The following NET1 variants were observed in gnomAD, a reference collection of about 807,000 sequenced individuals.
NET1 encodes neuroepithelial cell transforming 1, also known as neuroepithelial cell-transforming gene 1 protein.
NET1 carries 42 observed loss-of-function variants against 61.1 expected under a neutral mutation model. The observed-to-expected ratio is 0.69, with a 90% CI of 0.54 to 0.89. NET1 has a LOEUF of 0.89. Among genes scored for constraint, NET1 ranks in the 40% least tolerant of loss-of-function variants. NET1 has a pLI of 0.00. For missense variants in NET1, 654 were observed against 747.3 expected (o/e 0.88, Z 1.46); for synonymous variants, 254 against 281.8 (o/e 0.90, Z 0.99).
intron 1 of NET1, among the ~76,000 whole-genome samples, chr10:5,419,225 G>A (rs1172644133): frequency 2.6e-5 from 4 of 151,994 alleles, no homozygotes; most frequent in Admixed American, 6.5e-5. Flanking sequence ...TGCATGATAC[G>A]TGTTTATCCC....
At position 5,456,603 on chromosome 10, in the gene NET1, G is replaced by C; in HGVS notation, c.1400G>C (p.Arg467Thr). The change falls in exon 12 of 12, where the codon AGA (arginine) becomes ACA (threonine). Residue 467 changes from arginine (R) to threonine (T), a missense_variant. Transcript: ENST00000355029. The surrounding 1 kb of genome is among the most constrained non-coding windows in gnomAD (Gnocchi z 7.0). ...TTTTTTTCAGCTAAAAATATCTTTA[G>C]AATTCGCTTCCATGACCCCTCTCCA... is the stretch of plus-strand genomic sequence containing the variant. The part of the protein sequence containing the change: ...SNSEKAKNIF[R>T]IRFHDPSPAQ... 2 of 1,507,244 alleles carry C rather than the reference G, an allele frequency of 1.3e-6. No homozygotes were observed. Among genetic ancestry groups the C allele is most frequent in the Non-Finnish European group, 1.8e-6 (2 of 1,129,136 alleles). 93.4% of individuals were successfully genotyped at this position (1,507,244 alleles called of 1,614,324 possible).
Position 5,447,956 on chromosome 10 carries a change from C to G in NET1, c.256-3874C>G, listed in dbSNP as rs961121618. On this transcript the variant is annotated intron_variant, in intron 3 of 11. Transcript: ENST00000355029. This position sits in a 1 kb window ranked among gnomAD's most constrained non-coding sequence, Gnocchi z 4.1. ...CTGTGTTTCTGCCTTACCTTTATTT[C>G]TAAGTTACAAGCACTAGGAATGTTG... is the stretch of plus-strand genomic sequence containing the variant. Among the ~76,000 whole-genome samples, 3 of 152,186 alleles carry G rather than the reference C, an allele frequency of 2.0e-5. No individual in the cohort carries two copies. Among genetic ancestry groups the G allele is most frequent in the Non-Finnish European group, 4.4e-5 (3 of 68,036 alleles).
Position 5,437,261 on chromosome 10 carries a change from G to A in NET1, c.255+8032G>A, listed in dbSNP as rs964581454. On this transcript the variant is annotated intron_variant, in intron 3 of 11. Coordinates refer to ENST00000355029, the MANE Select transcript of NET1 (RefSeq NM_001047160.3). This position sits in a 1 kb window ranked among gnomAD's most constrained non-coding sequence, Gnocchi z 4.3. ...TCTATTTTCATACAGTATGTGTAATGACTACAGATATATGATTATCCTGTA... is the reference window on the plus strand; with the variant it reads ...TCTATTTTCATACAGTATGTGTAATAACTACAGATATATGATTATCCTGTA... 2.0e-5 allele frequency among the ~76,000 whole-genome samples: 3 copies of A among 152,028 alleles called. No homozygotes were observed. Among genetic ancestry groups the A allele is most frequent in the Non-Finnish European group, 2.9e-5 (2 of 68,006 alleles).
Position 5,416,917 on chromosome 10 carries a change from C to T in NET1, c.128+4097C>T, listed in dbSNP as rs567194652. On this transcript the variant is annotated intron_variant, in intron 1 of 11. Transcript: ENST00000355029. This position sits in a 1 kb window ranked among gnomAD's most constrained non-coding sequence, Gnocchi z 6.1. Reference sequence around the variant, plus strand: ...GCTTGTATTCATCAGCTCAGTTAGACCCCTGCCTTATTTCAAGGACAGGGG... The same window carrying T: ...GCTTGTATTCATCAGCTCAGTTAGATCCCTGCCTTATTTCAAGGACAGGGG... 6.6e-6 allele frequency among the ~76,000 whole-genome samples: 1 copy of T among 152,270 alleles called. No individual in the cohort carries two copies. The highest frequency in any genetic ancestry group is 2.1e-4 in the South Asian group (1 of 4,818).
intron 1 of NET1, among the ~76,000 whole-genome samples, chr10:5,425,447 A>G (rs1832244834): frequency 6.6e-6 from 1 of 152,246 alleles, no homozygotes; most frequent in Non-Finnish European, 1.5e-5. Flanking sequence ...CAATGACTTC[A>G]CAGTCCAAGA....
chr10:5,428,038 C>CTTTTTTTTTTTTTTTTTTTTTTTT (rs57698527), intron 2 of NET1, among the ~76,000 whole-genome samples: 1 of 113,904 alleles, frequency 8.8e-6, no homozygotes, highest in African/African-American at 3.4e-5. Context: ...TTTGCCGTTC[C>CTTTTTTTTTTTTTTTTTTTTTTTT]TTTTTTTTTT....
chr10:5,421,174 A>G lies in NET1; in HGVS notation c.129-5481A>G, dbSNP rs1179979512. On this transcript the variant is annotated intron_variant, in intron 1 of 11. Transcript: ENST00000355029. The surrounding 1 kb of genome is among the most constrained non-coding windows in gnomAD (Gnocchi z 4.2). ...GGCTCTTAAGGACCTTGGGCAAGTT[A>G]CTTAGTCTCTAAATCTCACTTCATA... 6.6e-6 allele frequency among the ~76,000 whole-genome samples: 1 copy of G among 152,200 alleles called. No homozygotes were observed. The highest frequency in any genetic ancestry group is 2.4e-5 in the African/African-American group (1 of 41,458).
In NET1 at chr10:5,454,281, C is replaced by T. The variant is rs995954594; in HGVS notation, c.785C>T (p.Ala262Val). The change falls in exon 9 of 12, where the codon GCC becomes GTC. Residue 262 changes from alanine to valine, a missense_variant. Physicochemically the swap from Ala to Val is moderately conservative, Grantham distance 64. Transcript: ENST00000355029. This position sits in a 1 kb window ranked among gnomAD's most constrained non-coding sequence, Gnocchi z 8.1. The part of the protein sequence containing the change: ...ILVSWLPRLN[A>V]YRGYCSNQLA... Reference sequence around the variant, plus strand: ...ACTCTTCAGTTACCGCGCTTGAATGCCTACAGAGGTTACTGTAGTAACCAG... The same window carrying T: ...ACTCTTCAGTTACCGCGCTTGAATGTCTACAGAGGTTACTGTAGTAACCAG... 1 of 1,612,486 alleles carries T rather than the reference C, an allele frequency of 6.2e-7. No individual in the cohort carries two copies. The highest frequency in any genetic ancestry group is 8.5e-7 in the Non-Finnish European group (1 of 1,179,590).
intron 1 of NET1, among the ~76,000 whole-genome samples, chr10:5,419,891 T>G (rs1407834322): frequency 1.3e-5 from 2 of 152,200 alleles, no homozygotes; most frequent in Non-Finnish European, 2.9e-5. Context: ...AGAATCTTTT[T>G]GGGGTTCCTT....
rs747766377 is a variant in NET1 at position 5,446,827 on chromosome 10, A to C, written c.256-5003A>C. 8 of 1,612,070 alleles carry C rather than the reference A, an allele frequency of 5.0e-6. No individual in the cohort carries two copies. The South Asian group carries it at 8.8e-5, about 18-fold the overall frequency. ...ATTAAAAGGACCATACGAGTCCTAGATGTCAATAACCAGTCCTTCAGAGAA... is the reference window on the plus strand; with the variant it reads ...ATTAAAAGGACCATACGAGTCCTAGCTGTCAATAACCAGTCCTTCAGAGAA... On this transcript the variant is annotated intron_variant, in intron 3 of 11. Coordinates refer to ENST00000355029, the MANE Select transcript of NET1 (RefSeq NM_001047160.3). This position sits in a 1 kb window ranked among gnomAD's most constrained non-coding sequence, Gnocchi z 5.0.
intron 3 of NET1, among the ~76,000 whole-genome samples, chr10:5,448,098 T>G (rs1483235222): frequency 1.3e-5 from 2 of 152,242 alleles, no homozygotes; most frequent in Non-Finnish European, 2.9e-5. Context: ...TTTATTTTCT[T>G]TTGATTTTAA....
rs781572048 is a variant in NET1 at position 5,456,944 on chromosome 10, G to A, written c.1741G>A (p.Ala581Thr). The A allele has an allele frequency of 1.7e-5, 27 of 1,601,778 alleles. No homozygotes were observed. The Admixed American group carries it at 4.6e-4, about 28-fold the overall frequency. Residue 581 changes from alanine (A) to threonine (T), a missense_variant, in exon 12 of 12, where the codon GCG becomes ACG. Ala to Thr is a moderately conservative substitution (Grantham distance 58). Transcript: ENST00000355029. The surrounding 1 kb of genome is among the most constrained non-coding windows in gnomAD (Gnocchi z 7.0). ...CCAGACACAGCCCGGCATCCGAAGA[G>A]CGAGGGACAAAGCCCTTTCTGGTGG... is the stretch of plus-strand genomic sequence containing the variant. ...THQTQPGIRRARDKALSGGKR... is the reference protein window; with the variant it reads ...THQTQPGIRRTRDKALSGGKR...
At chr10:5,414,232 C>T (rs1364175635) in intron 1 of NET1, among the ~76,000 whole-genome samples, 2 of 152,066 alleles carry the variant, frequency 1.3e-5, no homozygotes, top group South Asian at 2.1e-4. Context: ...AAGAGGTAAG[C>T]GCCACATCAT....
chr10:5,442,616 C>G (rs1406426815), intron 3 of NET1, among the ~76,000 whole-genome samples: 1 of 152,114 alleles, frequency 6.6e-6, no homozygotes, highest in African/African-American at 2.4e-5. Flanking sequence ...TGCTGTTGGC[C>G]AGGCAGGGTG....
Position 5,424,991 on chromosome 10 carries a change from C to CTCAA in NET1, c.129-1663_129-1660dup, listed in dbSNP as rs1832237015. Among the ~76,000 whole-genome samples the CTCAA allele has an allele frequency of 1.3e-5, 2 of 152,352 alleles. No individual in the cohort carries two copies. Among genetic ancestry groups the CTCAA allele is most frequent in the South Asian group, 4.1e-4 (2 of 4,832 alleles). ...TAAGATTCAATGGCTGCCACACATA[C>CTCAA]TCAAGATCAAGGCCATTCTCTCTGA... On this transcript the variant is annotated intron_variant, in intron 1 of 11. Coordinates refer to ENST00000355029, the MANE Select transcript of NET1 (RefSeq NM_001047160.3). The surrounding 1 kb of genome is among the most constrained non-coding windows in gnomAD (Gnocchi z 6.1).
In NET1 at chr10:5,435,522, TAGATAGATAGACAGACAGAC is replaced by T. The variant is rs1199469472; in HGVS notation, c.255+6305_255+6324del. Among the ~76,000 whole-genome samples, 8,795 of 32,592 alleles carry T rather than the reference TAGATAGATAGACAGACAGAC, an allele frequency of 0.27. 334 individuals carry two copies. Among genetic ancestry groups the T allele is most frequent in the Non-Finnish European group, 0.36 (4,168 of 11,610 alleles). The allele number at this position is 32,592 out of a possible 152,430, so 21.4% of individuals were successfully genotyped here. On this transcript the variant is annotated intron_variant, in intron 3 of 11. Coordinates refer to ENST00000355029, the MANE Select transcript of NET1 (RefSeq NM_001047160.3). The surrounding 1 kb of genome is among the most constrained non-coding windows in gnomAD (Gnocchi z 5.0). ...ATAGATAGATAGATAGATAGATAGA[TAGATAGATAGACAGACAGAC>T]AGATAGATAGATAGATAGATAAAAT...
rs1832279126 is a variant in NET1 at position 5,427,668 on chromosome 10, C to A, written c.195+947C>A. 6.6e-6 allele frequency among the ~76,000 whole-genome samples: 1 copy of A among 152,180 alleles called. No homozygotes were observed. The highest frequency in any genetic ancestry group is 1.5e-5 in the Non-Finnish European group (1 of 68,008). ...AAATATTTCTTGAGTTCCAACACCT[C>A]CATTCTGATATATATTGTTCTTTCA... is the stretch of plus-strand genomic sequence containing the variant. On this transcript the variant is annotated intron_variant, in intron 2 of 11. Coordinates refer to ENST00000355029, the MANE Select transcript of NET1 (RefSeq NM_001047160.3). This position sits in a 1 kb window ranked among gnomAD's most constrained non-coding sequence, Gnocchi z 4.1.
rs1485093306 is a variant in NET1, at chr10:5,454,928, A to AT, written c.1027-16dup. 6.2e-7 allele frequency: 1 copy of AT among 1,610,490 alleles called. No homozygotes were observed. Among genetic ancestry groups the AT allele is most frequent in the Non-Finnish European group, 8.5e-7 (1 of 1,177,618 alleles). ...TTAATAAACTGAAGCTGCTCTGTCA[A>AT]TTTTATTTATCATTTTCAGATATTG... On this transcript the variant is annotated intron_variant, in intron 9 of 11. Transcript: ENST00000355029. This position sits in a 1 kb window ranked among gnomAD's most constrained non-coding sequence, Gnocchi z 8.1.
chr10:5,437,045 T>A lies in NET1; in HGVS notation c.255+7816T>A, dbSNP rs1465249301. 2.0e-5 allele frequency among the ~76,000 whole-genome samples: 3 copies of A among 152,264 alleles called. No homozygotes were observed. The highest frequency in any genetic ancestry group is 2.0e-4 in the Admixed American group (3 of 15,290). On this transcript the variant is annotated intron_variant, in intron 3 of 11. Transcript: ENST00000355029. This position sits in a 1 kb window ranked among gnomAD's most constrained non-coding sequence, Gnocchi z 4.3. ...GAGAAGCCATTGAGCAATACAGAGC[T>A]ACTTATCTTTAAGCTTAATCATTCC...
Sources: allele counts gnomAD v4.1 joint callset (sites outside exome capture counted in the v4.1 genomes callset), GRCh38; gene constraint gnomAD v4.1.1; non-coding constraint Gnocchi (gnomAD v3.1); transcripts MANE v1.5; gene names NCBI Gene and HGNC (gene_info 2026-07-23, HGNC 2026-07-21).